Variants in WNK2 observed in about 807,000 individuals in gnomAD.
WNK2 encodes the protein WNK lysine deficient protein kinase 2.
WNK2 carries 67 observed loss-of-function variants against 192.1 expected under a neutral mutation model. The observed-to-expected ratio is 0.35, with a 90% CI of 0.29 to 0.43. The LOEUF (loss-of-function observed/expected upper bound fraction) is 0.43, where lower values mean the gene tolerates loss of function less well. WNK2 is among the 20% of genes least tolerant of loss of function. The probability of loss-of-function intolerance (pLI) is 1.00; values close to 1 mark genes in which losing one functional copy is unlikely to be tolerated. For synonymous variants in WNK2, 1,439 were observed against 1,393.9 expected (o/e 1.03, Z -0.72); for missense variants, 2,698 against 3,089.7 (o/e 0.87, Z 3.01).
At position 93,288,941 on chromosome 9, in the gene WNK2, A is replaced by C; in HGVS notation, c.4187A>C (p.Gln1396Pro). The part of the protein sequence containing the change: ...PSSPPVTALP[Q>P]DGAAPATSTM... ...TCCCCTCCTGTGACTGCTCTGCCCC[A>C]AGATGGAGCAGCTCCAGCCACCAGC... Residue 1396 changes from glutamine to proline, a missense_variant, in exon 20 of 30, where the codon CAA (glutamine) becomes CCA (proline). Physicochemically the swap from Gln to Pro is moderately conservative, Grantham distance 76. This residue lies in a region of WNK2 where 1,098 missense variants were observed against 1,101.0 expected (regional missense o/e 1.00). Coordinates refer to ENST00000427277, the MANE Select transcript of WNK2 (RefSeq NM_006648.4). The C allele has an allele frequency of 6.2e-7, 1 of 1,604,446 alleles. No individual in the cohort carries two copies. The highest frequency in any genetic ancestry group is 1.1e-5 in the South Asian group (1 of 89,866).
In WNK2 at chr9:93,267,781, A is replaced by G; in HGVS notation, c.3732A>G (p.Glu1244=). The G allele has an allele frequency of 6.2e-7, 1 of 1,609,778 alleles. No homozygotes were observed. Among genetic ancestry groups the G allele is most frequent in the East Asian group, 2.2e-5 (1 of 44,774 alleles). ...EHDFILQAER[E]TFIEQMKDVM... ...ACTTTATCCTGCAGGCCGAGCGGGA[A>G]ACGTTCATCGAGCAGATGAAGGATG... Residue 1244 remains glutamate (E), a synonymous_variant, in exon 17 of 30, where the codon GAA becomes GAG. Coordinates refer to ENST00000427277, the MANE Select transcript of WNK2 (RefSeq NM_006648.4).
intron 2 of WNK2, among the ~76,000 whole-genome samples, chr9:93,227,580 A>G (rs1183151097): frequency 6.6e-6 from 1 of 152,224 alleles, no homozygotes; most frequent in Non-Finnish European, 1.5e-5. Flanking sequence ...ATTAAATTAC[A>G]GGAGTTCTCT....
Position 93,259,272 on chromosome 9 carries a change from C to G in WNK2, c.2724C>G (p.Gly908=). The G allele has an allele frequency of 6.2e-7, 1 of 1,613,500 alleles. No individual in the cohort carries two copies. The highest frequency in any genetic ancestry group is 1.3e-5 in the African/African-American group (1 of 75,000). ...SIHSAVAQLP[G]QPVYPAAFPQ... ...ATTCTGCCGTGGCCCAGCTCCCAGGCCAACCTGTGTACCCAGCGGCCTTCC... is the reference window on the plus strand; with the variant it reads ...ATTCTGCCGTGGCCCAGCTCCCAGGGCAACCTGTGTACCCAGCGGCCTTCC... The change falls in exon 12 of 30, where the codon GGC becomes GGG. Residue 908 remains glycine, a synonymous_variant. Transcript: ENST00000427277. The surrounding 1 kb of genome is among the most constrained non-coding windows in gnomAD (Gnocchi z 4.8).
chr9:93,243,948 T>G (rs534699726), intron 7 of WNK2, among the ~76,000 whole-genome samples: 1 of 152,350 alleles, frequency 6.6e-6, no homozygotes, highest in South Asian at 2.1e-4. Flanking sequence ...AATCTGAGAT[T>G]AGGCCGGGTG....
chr9:93,311,998 A>G (rs1853747643), intron 28 of WNK2, among the ~76,000 whole-genome samples: 1 of 152,030 alleles, frequency 6.6e-6, no homozygotes, highest in African/African-American at 2.4e-5. Flanking sequence ...TTTGCTTTAC[A>G]TTTTCCTAAT....
chr9:93,207,648 C>G (rs1833634948), intron 2 of WNK2, among the ~76,000 whole-genome samples: 1 of 152,216 alleles, frequency 6.6e-6, no homozygotes, highest in South Asian at 2.1e-4. Flanking sequence ...AAATTAAACT[C>G]CATGGTAACC....
At chr9:93,274,522 A>AG (rs1341253847) in intron 19 of WNK2, among the ~76,000 whole-genome samples, 184 of 137,868 alleles carry the variant, frequency 1.3e-3, no homozygotes, top group Non-Finnish European at 1.9e-3. Flanking sequence ...AACCAAAAAA[A>AG]AAAAAAAAAA....
At chr9:93,233,751 A>G (rs1839322012) in intron 4 of WNK2, among the ~76,000 whole-genome samples, 1 of 151,930 alleles carries the variant, frequency 6.6e-6, no homozygotes, top group Admixed American at 6.6e-5. Context: ...AATGACGGGT[A>G]AACAAAACGT....
chr9:93,293,614 C>T (rs1041639652), intron 23 of WNK2, among the ~76,000 whole-genome samples: 5 of 152,132 alleles, frequency 3.3e-5, no homozygotes, highest in African/African-American at 1.2e-4. Context: ...GACACCAGGC[C>T]CAGCATCCCT....
chr9:93,259,024 C>T lies in WNK2; in HGVS notation c.2476C>T (p.Pro826Ser). 1.2e-6 allele frequency: 2 copies of T among 1,612,966 alleles called. No homozygotes were observed. Among genetic ancestry groups the T allele is most frequent in the Non-Finnish European group, 1.7e-6 (2 of 1,179,730 alleles). ...CCCAGACCTGCCGACCGCGACTGTG[C>T]CTCCCGTGCCACCACCTCAGTATTT... Reference protein sequence around the residue: ...ALPDLPTATVPPVPPPQYFSP... With the variant: ...ALPDLPTATVSPVPPPQYFSP... Residue 826 changes from proline to serine, a missense_variant, in exon 12 of 30, where the codon CCT (proline) becomes TCT (serine). This residue lies in a region of WNK2 where 893 missense variants were observed against 909.0 expected (regional missense o/e 0.98). Coordinates refer to ENST00000427277, the MANE Select transcript of WNK2 (RefSeq NM_006648.4). This position sits in a 1 kb window ranked among gnomAD's most constrained non-coding sequence, Gnocchi z 4.8.
chr9:93,295,661 A>T (rs1467535427), intron 23 of WNK2, among the ~76,000 whole-genome samples: 2 of 151,740 alleles, frequency 1.3e-5, no homozygotes, highest in African/African-American at 2.4e-5. Flanking sequence ...ACTGTGATGC[A>T]ACAGGGAGGC....
At chr9:93,258,341 A>G (rs1396542265) in intron 11 of WNK2, among the ~76,000 whole-genome samples, 1 of 152,226 alleles carries the variant, frequency 6.6e-6, no homozygotes, top group Non-Finnish European at 1.5e-5. Context: ...GCTGGACAGG[A>G]TAGGGGTGTC....
chr9:93,191,980 G>A (rs111256355), intron 2 of WNK2, among the ~76,000 whole-genome samples: 2,649 of 151,500 alleles, frequency 0.017, 39 homozygotes, highest in Admixed American at 0.022. Context: ...AGCTGAGATC[G>A]TGCCACTGCA....
chr9:93,240,228 C>T (rs1840524043), intron 7 of WNK2, among the ~76,000 whole-genome samples: 1 of 152,164 alleles, frequency 6.6e-6, no homozygotes, highest in African/African-American at 2.4e-5. Flanking sequence ...TTAGCAGCTC[C>T]GAGCCAGTGC....
Position 93,187,164 on chromosome 9 carries a change from C to T in WNK2, c.681+1554C>T, listed in dbSNP as rs1829492895. Among the ~76,000 whole-genome samples the T allele has an allele frequency of 2.6e-5, 4 of 152,138 alleles. No homozygotes were observed. The South Asian group carries it at 6.2e-4, about 24-fold the overall frequency. On this transcript the variant is annotated intron_variant, in intron 2 of 29. Transcript: ENST00000427277. ...AGTAGGCTGGATTTGAGTTAGACCT[C>T]GGCAGCCAGAGCCTGCTGATCTGGC...
At chr9:93,318,437 GC>G in intron 29 of WNK2, 1 of 1,614,136 alleles carries the variant, frequency 6.2e-7, no homozygotes, top group Non-Finnish European at 8.5e-7. Context: ...CTGGGGCAGG[GC>G]ACACTGGCGG....
rs2132809371 is a variant in WNK2, at chr9:93,257,659, G to T, written c.2382+520G>T. On this transcript the variant is annotated intron_variant, in intron 11 of 29. Coordinates refer to ENST00000427277, the MANE Select transcript of WNK2 (RefSeq NM_006648.4). This position sits in a 1 kb window ranked among gnomAD's most constrained non-coding sequence, Gnocchi z 4.7. ...AAGCAGGTAGGTTTGCCTCAGAGGA[G>T]CGTTCTTCCTGTGGAGCTCCTCCAG... Among the ~76,000 whole-genome samples, 1 of 152,384 alleles carries T rather than the reference G, an allele frequency of 6.6e-6. No individual in the cohort carries two copies. The highest frequency in any genetic ancestry group is 2.4e-5 in the African/African-American group (1 of 41,590).
intron 2 of WNK2, among the ~76,000 whole-genome samples, chr9:93,226,547 C>T (rs574080084): frequency 6.6e-6 from 1 of 152,194 alleles, no homozygotes; most frequent in East Asian, 1.9e-4. Context: ...GACAAATGCA[C>T]ATAGAGGTGG....
intron 19 of WNK2, among the ~76,000 whole-genome samples, chr9:93,287,849 C>T (rs1848678538): frequency 6.6e-6 from 1 of 152,066 alleles, no homozygotes; most frequent in South Asian, 2.1e-4. Context: ...TTGCTTGAGC[C>T]CAGGAGTACA....
Sources: gnomAD v4.1 joint callset for allele counts (sites outside exome capture counted in the v4.1 genomes callset) on GRCh38, gnomAD v4.1.1 for gene constraint, gnomAD v4.1.1 regional missense constraint, Gnocchi (gnomAD v3.1) non-coding constraint, MANE v1.5 for transcripts, NCBI Gene and HGNC (gene_info 2026-07-23, HGNC 2026-07-21) for gene names.